The following DNAH5 variants were observed in gnomAD, a reference collection of about 807,000 sequenced individuals.
DNAH5 encodes axonemal beta dynein heavy chain 5.
A neutral mutation model predicts 518.2 loss-of-function variants in DNAH5; 372 were observed. The observed-to-expected ratio is 0.72, with a 90% CI of 0.66 to 0.78. DNAH5 has a LOEUF of 0.78. Ranked by LOEUF, DNAH5 falls within the 30% of genes least tolerant of loss-of-function variation. DNAH5 has a pLI of 0.00. For synonymous variants in DNAH5, 2,039 were observed against 2,025.9 expected (o/e 1.01, Z -0.17); for missense variants, 5,523 against 5,687.0 (o/e 0.97, Z 0.93).
At chr5:13,808,361 T>A (rs924740898) in intron 46 of DNAH5, among the ~76,000 whole-genome samples, 13 of 151,426 alleles carry the variant, frequency 8.6e-5, no homozygotes, top group African/African-American at 2.7e-4. Context: ...AACACCTTCA[T>A]CCTGGACTTT....
intron 1 of DNAH5, among the ~76,000 whole-genome samples, chr5:13,954,044 C>T (rs539929652): frequency 1.3e-5 from 2 of 152,208 alleles, no homozygotes; most frequent in South Asian, 4.1e-4. Context: ...ACAGTAAAGA[C>T]CCTAAAGGTC....
rs1460331461 is a variant in DNAH5, at chr5:13,707,250, A to T, written c.13338+873T>A. ...AACTCCAGGGGAAGACCACCTTCCC[A>T]CTCCATCCCCCTTCTGGCTCCCCAT... is the stretch of plus-strand genomic sequence containing the variant. On this transcript the variant is annotated intron_variant, in intron 76 of 78. Transcript: ENST00000265104. This position sits in a 1 kb window ranked among gnomAD's most constrained non-coding sequence, Gnocchi z 4.0. 2.0e-5 allele frequency among the ~76,000 whole-genome samples: 3 copies of T among 152,048 alleles called. No individual in the cohort carries two copies. The East Asian group carries it at 5.8e-4, about 29-fold the overall frequency.
rs534251749 is a variant in DNAH5 at position 13,850,286 on chromosome 5, A to G, written c.5114+366T>C. Among the ~76,000 whole-genome samples, 309 of 148,598 alleles carry G rather than the reference A, an allele frequency of 2.1e-3. 1 individual carries two copies. Among genetic ancestry groups the G allele is most frequent in the Non-Finnish European group, 2.4e-3 (161 of 66,886 alleles). On this transcript the variant is annotated intron_variant, in intron 31 of 78. Transcript: ENST00000265104. ...TTTTAATATAATCCTGACTGCATGT[A>G]TATACTAAACACTGTTTCATATAAT...
At chr5:13,868,410 G>A (rs1158423642) in intron 24 of DNAH5, among the ~76,000 whole-genome samples, 1 of 152,186 alleles carries the variant, frequency 6.6e-6, no homozygotes, top group Non-Finnish European at 1.5e-5. Flanking sequence ...TTTTAACTCT[G>A]TCTTATTTCA....
intron 1 of DNAH5, among the ~76,000 whole-genome samples, chr5:14,002,998 G>A (rs1432054295): frequency 6.6e-6 from 1 of 152,140 alleles, no homozygotes; most frequent in Non-Finnish European, 1.5e-5. Context: ...ACAAAAGAAT[G>A]TACAACTTAA....
At chr5:13,910,078 A>C (rs897479273) in intron 12 of DNAH5, among the ~76,000 whole-genome samples, 1 of 152,226 alleles carries the variant, frequency 6.6e-6, no homozygotes, top group African/African-American at 2.4e-5. Flanking sequence ...AAAAGAGACC[A>C]ACATTCACTG....
Position 13,807,637 on chromosome 5 carries a change from A to G in DNAH5, c.7841T>C (p.Ile2614Thr). ...MSKYDPECHM[I>T]KSLNFSSATT... ...TGCAGAAGAAAAATTCAGACTCTTG[A>G]TCATGTGACATTCAGGATCATATTT... The change falls in exon 47 of 79, where the codon ATC (isoleucine) becomes ACC (threonine). Residue 2614 changes from isoleucine (I) to threonine (T), a missense_variant. Ile to Thr is a moderately conservative substitution (Grantham distance 89, BLOSUM62 -1). Around this residue, in one of 3 missense-constraint regions of DNAH5, gnomAD observed 5,121 missense variants for 5,223.3 expected, o/e 0.98. Coordinates refer to ENST00000265104, the MANE Select transcript of DNAH5 (RefSeq NM_001369.3). 1 of 1,613,416 alleles carries G rather than the reference A, an allele frequency of 6.2e-7. No homozygotes were observed. The highest frequency in any genetic ancestry group is 1.3e-5 in the African/African-American group (1 of 75,026).
At chr5:13,847,772 G>A (rs990117009) in intron 31 of DNAH5, among the ~76,000 whole-genome samples, 2 of 151,432 alleles carry the variant, frequency 1.3e-5, no homozygotes, top group Non-Finnish European at 2.9e-5. Flanking sequence ...TTTCGCATGT[G>A]TGTGTGTGTG....
chr5:13,785,825 A>AT (rs1241176258), intron 52 of DNAH5, among the ~76,000 whole-genome samples: 2 of 152,058 alleles, frequency 1.3e-5, no homozygotes, highest in African/African-American at 2.4e-5. Context: ...CTTATGTACT[A>AT]TTTTTTTATA....
rs1193692144 is a variant in DNAH5, at chr5:13,870,941, G to C, written c.3660C>G (p.His1220Gln). 1 of 1,613,772 alleles carries C rather than the reference G, an allele frequency of 6.2e-7. No homozygotes were observed. The highest frequency in any genetic ancestry group is 8.5e-7 in the Non-Finnish European group (1 of 1,179,824). Residue 1220 changes from histidine (H) to glutamine (Q), a missense_variant, in exon 24 of 79, where the codon CAC (histidine) becomes CAG (glutamine). His to Gln is a conservative substitution (Grantham distance 24, BLOSUM62 0). Coordinates refer to ENST00000265104, the MANE Select transcript of DNAH5 (RefSeq NM_001369.3). ...TKAWMVVIGRHCNKKYRSEME... is the reference protein window; with the variant it reads ...TKAWMVVIGRQCNKKYRSEME... ...TCTCACTCCGGTATTTTTTGTTACAGTGGCGTCCAATGACAACCATCCAGG... is the reference window on the plus strand; with the variant it reads ...TCTCACTCCGGTATTTTTTGTTACACTGGCGTCCAATGACAACCATCCAGG...
intron 1 of DNAH5, among the ~76,000 whole-genome samples, chr5:13,961,284 T>C (rs914338549): frequency 6.6e-6 from 1 of 152,248 alleles, no homozygotes; most frequent in African/African-American, 2.4e-5. Context: ...GTTTCCAGTA[T>C]GTGTAATTTT....
intron 32 of DNAH5, 62 bp downstream of exon 32, chr5:13,844,775 T>G: frequency 6.2e-7 from 1 of 1,608,666 alleles, no homozygotes; most frequent in Non-Finnish European, 8.5e-7. Flanking sequence ...GAAGAGCTAC[T>G]TAAAGACAGT....
chr5:13,884,888 A>G, intron 19 of DNAH5, 101 bp downstream of exon 19: 4 of 1,480,814 alleles, frequency 2.7e-6, no homozygotes, highest in Non-Finnish European at 3.7e-6. Flanking sequence ...TAAATTTAAC[A>G]GGAATGTACA....
At chr5:13,751,332 C>A in intron 64 of DNAH5, 72 bp from the exon 65 acceptor site, 1 of 1,357,006 alleles carries the variant, frequency 7.4e-7, no homozygotes, top group Non-Finnish European at 1.0e-6. Context: ...TGTATCAGAT[C>A]AAGTATTGTT....
At chr5:13,934,176 G>C (rs559148574) in intron 1 of DNAH5, among the ~76,000 whole-genome samples, 2 of 152,294 alleles carry the variant, frequency 1.3e-5, no homozygotes, top group South Asian at 4.1e-4. Flanking sequence ...GCCATGTAGG[G>C]AGACCACATG....
chr5:13,821,652 G>A (rs1288824382), intron 40 of DNAH5, among the ~76,000 whole-genome samples: 3 of 152,228 alleles, frequency 2.0e-5, no homozygotes, highest in Non-Finnish European at 2.9e-5. Flanking sequence ...CTCACAGTAC[G>A]TAATGATTTC....
At chr5:13,859,019 A>C (rs969528657) in intron 30 of DNAH5, among the ~76,000 whole-genome samples, 7 of 152,064 alleles carry the variant, frequency 4.6e-5, no homozygotes, top group African/African-American at 1.7e-4. Context: ...GCACATTTCC[A>C]CCCCTCAATT....
chr5:13,758,722 G>A, intron 61 of DNAH5, 124 bp downstream of exon 61: 3 of 1,369,774 alleles, frequency 2.2e-6, no homozygotes, highest in Non-Finnish European at 3.1e-6. Context: ...AAGACCCTTG[G>A]TGTCCATTAT....
chr5:13,901,002 C>T (rs551331337), intron 14 of DNAH5, among the ~76,000 whole-genome samples: 17 of 152,266 alleles, frequency 1.1e-4, no homozygotes, highest in African/African-American at 4.1e-4. Context: ...AACCAATAAA[C>T]AAGATCTTCT....
Sources: allele counts gnomAD v4.1 joint callset (sites outside exome capture counted in the v4.1 genomes callset), GRCh38; gene constraint gnomAD v4.1.1; regional missense constraint gnomAD v4.1.1; non-coding constraint Gnocchi (gnomAD v3.1); transcripts MANE v1.5; gene names NCBI Gene and HGNC (gene_info 2026-07-23, HGNC 2026-07-21).